FAM83G: variants seen among roughly 807,000 people sequenced by gnomAD.
FAM83G encodes scaffolding CK1 anchoring protein G.
A neutral mutation model predicts 61.5 loss-of-function variants in FAM83G; 38 were observed. The observed-to-expected ratio is 0.62, with a 90% CI of 0.48 to 0.81. The LOEUF (loss-of-function observed/expected upper bound fraction) is 0.81. FAM83G is among the 30% of genes least tolerant of loss of function. The pLI, the probability that FAM83G is intolerant of heterozygous loss-of-function variation, is 0.00. For synonymous variants in FAM83G, 470 were observed against 476.1 expected, an observed-to-expected ratio of 0.99 and a Z score of 0.17; for missense variants, 989 against 1,133.6, an observed-to-expected ratio of 0.87 and a Z score of 1.83.
intron 5 of FAM83G, among the ~76,000 whole-genome samples, chr17:18,975,276 C>G (rs1037776991): frequency 6.6e-6 from 1 of 152,220 alleles, no homozygotes; most frequent in African/African-American, 2.4e-5. Context: ...GCCCTGCGTT[C>G]GGAGGCTGCA....
Position 19,000,333 on chromosome 17 carries a change from G to GC in FAM83G, c.522+3186dup. Among the ~76,000 whole-genome samples, 1 of 152,202 alleles carries GC rather than the reference G, an allele frequency of 6.6e-6. No individual in the cohort carries two copies. ...GCAGCAAGGTGTCAGGGCTGAAGGG[G>GC]CCCCTAACAGTCTTCAATACCTGTT... On this transcript the variant is annotated intron_variant, in intron 2 of 5. Transcript: ENST00000388995. This position sits in a 1 kb window ranked among gnomAD's most constrained non-coding sequence, Gnocchi z 5.2.
intron 2 of FAM83G, among the ~76,000 whole-genome samples, chr17:19,002,783 C>T (rs958029594): frequency 2.6e-5 from 4 of 152,148 alleles, no homozygotes; most frequent in African/African-American, 9.7e-5. Context: ...CCAAGAATGG[C>T]CCCCCACAGC....
chr17:19,002,564 T>C (rs2043757835), intron 2 of FAM83G, among the ~76,000 whole-genome samples: 1 of 152,234 alleles, frequency 6.6e-6, no homozygotes, highest in Non-Finnish European at 1.5e-5. Flanking sequence ...TCCCACAACC[T>C]GAGGCCCAGA....
Position 18,971,399 on chromosome 17 carries a change from T to C in FAM83G, c.2432A>G (p.Lys811Arg), listed in dbSNP as rs747449506. The change falls in exon 6 of 6, where the codon AAA becomes AGA. Residue 811 changes from lysine to arginine, a missense_variant. By Grantham distance (26) the Lys-to-Arg change is conservative. Around this residue, in one of 3 missense-constraint regions of FAM83G, gnomAD observed 574 missense variants for 645.1 expected, o/e 0.89. Coordinates refer to ENST00000388995, the MANE Select transcript of FAM83G (RefSeq NM_001039999.3). The surrounding 1 kb of genome is among the most constrained non-coding windows in gnomAD (Gnocchi z 5.5). ...GTCCCGGGGGGCTTGAGCCCTCCGT[T>C]TAGAATCCGATGAGGCCCACTGGCT... ...GGSQWASSDS[K>R]RRAQAPRDRK... The C allele has an allele frequency of 5.0e-6, 8 of 1,613,608 alleles. No homozygotes were observed. The African/African-American group carries it at 1.1e-4, about 22-fold the overall frequency.
upstream of FAM83G, among the ~76,000 whole-genome samples, chr17:19,005,654 C>T (rs976813447): frequency 2.0e-5 from 3 of 151,956 alleles, no homozygotes; most frequent in African/African-American, 2.4e-5. Context: ...CAAACCCCCC[C>T]CCTCCAAGGC....
chr17:19,003,395 G>A lies in FAM83G; in HGVS notation c.522+125C>T. 9.3e-7 allele frequency: 1 copy of A among 1,069,968 alleles called. No individual in the cohort carries two copies. The highest frequency in any genetic ancestry group is 1.2e-6 in the Non-Finnish European group (1 of 805,216). 66.3% of individuals were successfully genotyped at this position (1,069,968 alleles called of 1,614,324 possible). A position where few individuals can be genotyped will look rare whatever the true frequency, so the allele number is the denominator to read the frequency against. On this transcript the variant is annotated intron_variant, in intron 2 of 5. Coordinates refer to ENST00000388995, the MANE Select transcript of FAM83G (RefSeq NM_001039999.3). The surrounding 1 kb of genome is among the most constrained non-coding windows in gnomAD (Gnocchi z 4.5). ...AAACCTCCACCCAAGAGGCAGCCAGGGAAAACAGCAGAGATCCCTAGAAGC... is the reference window on the plus strand; with the variant it reads ...AAACCTCCACCCAAGAGGCAGCCAGAGAAAACAGCAGAGATCCCTAGAAGC...
intron 2 of FAM83G, among the ~76,000 whole-genome samples, chr17:18,994,560 G>A (rs895007802): frequency 6.6e-6 from 1 of 152,174 alleles, no homozygotes; most frequent in Non-Finnish European, 1.5e-5. Context: ...GGAAAGGGGA[G>A]GCTGAGCAGA....
rs767087152 is a variant in FAM83G at position 18,978,192 on chromosome 17, C to T, written c.1474G>A (p.Gly492Ser). The T allele has an allele frequency of 5.2e-6, 8 of 1,550,194 alleles. No individual in the cohort carries two copies. The highest frequency in any genetic ancestry group is 3.5e-4 in the Middle Eastern group (2 of 5,742). The change falls in exon 5 of 6, where the codon GGC (glycine) becomes AGC (serine). Residue 492 changes from glycine to serine, a missense_variant. Gly to Ser is a moderately conservative substitution (Grantham distance 56). Around this residue, in one of 3 missense-constraint regions of FAM83G, gnomAD observed 574 missense variants for 645.1 expected, o/e 0.89. Transcript: ENST00000388995. ...GGCTCAGGGTCCCCCTGGGGGAGGC[C>T]GTTCTCAGCTGGGACACCGTCCTGG... is the stretch of plus-strand genomic sequence containing the variant. ...APQDGVPAEN[G>S]LPQGDPEPLP...
Position 18,978,560 on chromosome 17 carries a change from TC to T in FAM83G, c.1105del (p.Glu369ArgfsTer8). The T allele has an allele frequency of 1.7e-5, 27 of 1,613,252 alleles. No individual in the cohort carries two copies. The highest frequency in any genetic ancestry group is 2.1e-5 in the Non-Finnish European group (25 of 1,179,998). ...TTTCAGCCCCAGGGGCTTCTTGGCCTCCTGCTTCTCAGAGGAGATCTTGGCA... is the reference window on the plus strand; with the variant it reads ...TTTCAGCCCCAGGGGCTTCTTGGCCTCTGCTTCTCAGAGGAGATCTTGGCA... ...EIAKISSEKQ[E>X]AKKPLGLKGP... On this transcript the variant is annotated frameshift_variant, in exon 5 of 6. Coordinates refer to ENST00000388995, the MANE Select transcript of FAM83G (RefSeq NM_001039999.3). LOFTEE classifies it high-confidence loss of function.
Position 18,971,056 on chromosome 17 carries a change from C to T in FAM83G, c.*303G>A, listed in dbSNP as rs544692412. On this transcript the variant is annotated 3_prime_UTR_variant, in exon 6 of 6. Transcript: ENST00000388995. The surrounding 1 kb of genome is among the most constrained non-coding windows in gnomAD (Gnocchi z 5.5). ...GTTACGGGCAGCTGGAGGCAGCCTA[C>T]GCCCAGGCCATTCCCTCCAGGACCA... 3.1e-5 allele frequency: 50 copies of T among 1,614,024 alleles called. No homozygotes were observed. The highest frequency in any genetic ancestry group is 2.9e-4 in the South Asian group (26 of 91,084).
chr17:18,998,286 A>G (rs1002705162), intron 2 of FAM83G, among the ~76,000 whole-genome samples: 7 of 152,182 alleles, frequency 4.6e-5, no homozygotes, highest in Non-Finnish European at 1.0e-4. Flanking sequence ...CTGCGTCAAG[A>G]CAAGGCCTGA....
chr17:18,988,414 C>G lies in FAM83G; in HGVS notation c.523G>C (p.Val175Leu), dbSNP rs764403665. ...AACATGTCCATGACCACAGCTATCACCTGGGAGCAAGAAGAGAGACTAGGG... is the reference window on the plus strand; with the variant it reads ...AACATGTCCATGACCACAGCTATCAGCTGGGAGCAAGAAGAGAGACTAGGG... ...VRKMISQAQK[V>L]IAVVMDMFTD... Residue 175 changes from valine to leucine, a missense_variant and splice_region_variant, in exon 3 of 6, where the codon GTG (valine) becomes CTG (leucine). This residue lies in a region of FAM83G where 371 missense variants were observed against 404.5 expected (regional missense o/e 0.92). Transcript: ENST00000388995. The G allele has an allele frequency of 6.2e-7, 1 of 1,613,826 alleles. No individual in the cohort carries two copies. The highest frequency in any genetic ancestry group is 1.1e-5 in the South Asian group (1 of 91,086).
At position 18,968,979 on chromosome 17, in the gene FAM83G, C is replaced by T; in HGVS notation, c.*2380G>A. ...ACCGAGGCCCAGAGAGGGCCTTGCC[C>T]GAGGTCACCCAGGGAGTGGCTTGCT... On this transcript the variant is annotated 3_prime_UTR_variant, in exon 6 of 6. Coordinates refer to ENST00000388995, the MANE Select transcript of FAM83G (RefSeq NM_001039999.3). This position sits in a 1 kb window ranked among gnomAD's most constrained non-coding sequence, Gnocchi z 4.1. 5.4e-6 allele frequency: 8 copies of T among 1,481,628 alleles called. No homozygotes were observed. Among genetic ancestry groups the T allele is most frequent in the South Asian group, 1.3e-5 (1 of 77,168 alleles). The allele number at this position is 1,481,628 out of a possible 1,614,324, so 91.8% of individuals were successfully genotyped here.
intron 2 of FAM83G, among the ~76,000 whole-genome samples, chr17:18,992,803 C>A (rs900153835): frequency 2.6e-5 from 4 of 152,188 alleles, no homozygotes; most frequent in African/African-American, 9.7e-5. Flanking sequence ...TGCCTGGTGC[C>A]GGGCAGGGCC....
At chr17:18,990,847 A>G (rs1481494563) in intron 2 of FAM83G, among the ~76,000 whole-genome samples, 1 of 152,174 alleles carries the variant, frequency 6.6e-6, no homozygotes, top group Non-Finnish European at 1.5e-5. Context: ...TGGAGCCACA[A>G]AGGTTTCTTG....
At chr17:19,005,424 C>G (rs1356647349), upstream of FAM83G, among the ~76,000 whole-genome samples, 5 of 152,120 alleles carry the variant, frequency 3.3e-5, no homozygotes, top group Admixed American at 3.3e-4. Flanking sequence ...GCGTGGAGAC[C>G]ACATCTGAAG....
chr17:18,981,498 T>C (rs2043131598), intron 3 of FAM83G, among the ~76,000 whole-genome samples: 1 of 151,936 alleles, frequency 6.6e-6, no homozygotes, highest in Non-Finnish European at 1.5e-5. Flanking sequence ...CATCAGGCAG[T>C]GGGTGTGTGA....
Position 18,970,792 on chromosome 17 carries a change from A to G in FAM83G, c.*567T>C, listed in dbSNP as rs2042822228. On this transcript the variant is annotated 3_prime_UTR_variant, in exon 6 of 6. Coordinates refer to ENST00000388995, the MANE Select transcript of FAM83G (RefSeq NM_001039999.3). ...CCCATGTGCAAAATGCTTACTTAAT[A>G]GTATTATTTTAAATACGAATAAAAT... The G allele has an allele frequency of 1.7e-6, 1 of 571,652 alleles. No individual in the cohort carries two copies. The highest frequency in any genetic ancestry group is 3.1e-6 in the Non-Finnish European group (1 of 320,288). The allele number at this position is 571,652 out of a possible 1,614,324, so 35.4% of individuals were successfully genotyped here. A position where few individuals can be genotyped will look rare whatever the true frequency, so the allele number is the denominator to read the frequency against.
chr17:18,986,061 T>C (rs2043261499), intron 3 of FAM83G: 1 of 152,160 alleles, frequency 6.6e-6, no homozygotes, highest in Non-Finnish European at 1.5e-5. Flanking sequence ...CCCAGAGAGG[T>C]GGAACCACAC....
Sources: allele counts gnomAD v4.1 joint callset (sites outside exome capture counted in the v4.1 genomes callset), GRCh38; gene constraint gnomAD v4.1.1; regional missense constraint gnomAD v4.1.1; non-coding constraint Gnocchi (gnomAD v3.1); transcripts MANE v1.5; gene names NCBI Gene and HGNC (gene_info 2026-07-23, HGNC 2026-07-21).